Variants in ZDHHC20 observed in about 807,000 individuals in gnomAD.
ZDHHC20 encodes the protein zDHHC palmitoyltransferase 20, also known as palmitoyltransferase ZDHHC20.
A neutral mutation model predicts 57.8 loss-of-function variants in ZDHHC20; 43 were observed. The observed-to-expected ratio is 0.74, with a 90% CI of 0.58 to 0.96. ZDHHC20 has a LOEUF of 0.96. Among genes scored for constraint, ZDHHC20 ranks in the 40% least tolerant of loss-of-function variants. The pLI is 0.00. For synonymous variants in ZDHHC20, 157 were observed against 153.0 expected, an observed-to-expected ratio of 1.03 and a Z score of -0.19; for missense variants, 391 against 441.1, an observed-to-expected ratio of 0.89 and a Z score of 1.02.
intron 1 of ZDHHC20, among the ~76,000 whole-genome samples, chr13:21,434,238 A>T (rs1300890437): frequency 2.0e-5 from 3 of 152,220 alleles, no homozygotes; most frequent in Non-Finnish European, 4.4e-5. Context: ...TCACATTTGT[A>T]TCTCCTTTTT....
intron 1 of ZDHHC20, among the ~76,000 whole-genome samples, chr13:21,443,780 G>A (rs1883414321): frequency 6.6e-6 from 1 of 152,202 alleles, no homozygotes; most frequent in South Asian, 2.1e-4. Flanking sequence ...ATATTGTTCA[G>A]AAGGATTTAA....
At chr13:21,422,813 T>C (rs1234999727) in intron 2 of ZDHHC20, among the ~76,000 whole-genome samples, 1 of 152,192 alleles carries the variant, frequency 6.6e-6, no homozygotes, top group Non-Finnish European at 1.5e-5. Flanking sequence ...CCCTCTTGGC[T>C]GTGGAATTCC....
intron 4 of ZDHHC20, among the ~76,000 whole-genome samples, chr13:21,404,640 GCTA>G (rs1878189372): frequency 6.6e-6 from 1 of 151,874 alleles, no homozygotes; most frequent in African/African-American, 2.4e-5. Context: ...TGTAGTCCCA[GCTA>G]CTCGGGAGGC....
intron 7 of ZDHHC20, among the ~76,000 whole-genome samples, chr13:21,395,317 C>T (rs556562496): frequency 6.6e-6 from 1 of 151,988 alleles, no homozygotes; most frequent in East Asian, 1.9e-4. Context: ...CCACCTGCCT[C>T]GGCCTCCCAA....
At position 21,375,138 on chromosome 13, in the gene ZDHHC20, A is replaced by G; in HGVS notation, c.*1558T>C. The G allele has an allele frequency of 2.2e-6, 1 of 456,448 alleles. No homozygotes were observed. Among genetic ancestry groups the G allele is most frequent in the East Asian group, 6.9e-5 (1 of 14,400 alleles). 28.3% of individuals were successfully genotyped at this position (456,448 alleles called of 1,614,324 possible). A position where few individuals can be genotyped will look rare whatever the true frequency, so the allele number is the denominator to read the frequency against. ...GACAGAGCAAAACTCTGTGGAAAAAAGAAGAAAAAAATTTATTGGGTGAAT... is the reference window on the plus strand; with the variant it reads ...GACAGAGCAAAACTCTGTGGAAAAAGGAAGAAAAAAATTTATTGGGTGAAT... On this transcript the variant is annotated 3_prime_UTR_variant, in exon 13 of 13. Coordinates refer to ENST00000400590, the MANE Select transcript of ZDHHC20 (RefSeq NM_001330059.2).
chr13:21,435,303 T>C (rs192244827), intron 1 of ZDHHC20, among the ~76,000 whole-genome samples: 4 of 152,200 alleles, frequency 2.6e-5, no homozygotes, highest in Non-Finnish European at 5.9e-5. Context: ...CTTAAGATCA[T>C]CCACCCATAT....
chr13:21,378,777 A>G (rs1038753007), intron 11 of ZDHHC20, 39 bp from the exon 12 acceptor site: 2 of 1,202,592 alleles, frequency 1.7e-6, no homozygotes, highest in Non-Finnish European at 2.3e-6. Context: ...ACAAAAAAAA[A>G]AAAAAAAAGA....
chr13:21,455,315 AAAG>A (rs1289415582), intron 1 of ZDHHC20, among the ~76,000 whole-genome samples: 2 of 152,216 alleles, frequency 1.3e-5, no homozygotes, highest in African/African-American at 4.8e-5. Context: ...TCTACATGCC[AAAG>A]AAGAGGTACA....
intron 3 of ZDHHC20, among the ~76,000 whole-genome samples, chr13:21,415,844 C>G (rs912814805): frequency 5.9e-5 from 9 of 152,136 alleles, no homozygotes; most frequent in Admixed American, 2.0e-4. Flanking sequence ...TATTCCTAGT[C>G]TGCAGTAGTA....
chr13:21,458,470 C>T (rs9509739), intron 1 of ZDHHC20, among the ~76,000 whole-genome samples: 25,697 of 152,096 alleles, frequency 0.17, 2,713 homozygotes, highest in Non-Finnish European at 0.25. Flanking sequence ...ACGAATTTTA[C>T]AATGAGTCGA....
At chr13:21,422,809 TG>T (rs1263426611) in intron 2 of ZDHHC20, among the ~76,000 whole-genome samples, 1 of 152,206 alleles carries the variant, frequency 6.6e-6, no homozygotes, top group Admixed American at 6.5e-5. Flanking sequence ...TTTTCCCTCT[TG>T]GCTGTGGAAT....
rs531719209 is a variant in ZDHHC20 at position 21,402,668 on chromosome 13, C to T, written c.440+129G>A. 5 of 739,308 alleles carry T rather than the reference C, an allele frequency of 6.8e-6. No homozygotes were observed. The African/African-American group carries it at 8.7e-5, about 13-fold the overall frequency. 45.8% of individuals were successfully genotyped at this position (739,308 alleles called of 1,614,324 possible). On this transcript the variant is annotated intron_variant, in intron 5 of 12. Coordinates refer to ENST00000400590, the MANE Select transcript of ZDHHC20 (RefSeq NM_001330059.2). ...AATATTTTTGTCTGCCCTGTATGCA[C>T]AGCAAATAATGGGAGAGGATGAAGT...
intron 1 of ZDHHC20, among the ~76,000 whole-genome samples, chr13:21,433,910 C>CA (rs1328040713): frequency 6.6e-6 from 1 of 152,122 alleles, no homozygotes; most frequent in East Asian, 1.9e-4. Context: ...CTAAAAATTC[C>CA]AATTTTAATT....
chr13:21,413,698 TCTC>T lies in ZDHHC20; in HGVS notation c.321_323del (p.Arg109del). The T allele has an allele frequency of 6.2e-6, 10 of 1,611,656 alleles. No homozygotes were observed. In the Middle Eastern group the frequency reaches 1.8e-3, roughly 293 times the overall value. ...AGATAGGTAAAGCTCTTGCTGCTCTTCTCAAAATTTCTTGTTGTCTTTCTTGGC... is the reference window on the plus strand; with the variant it reads ...AGATAGGTAAAGCTCTTGCTGCTCTTAAAATTTCTTGTTGTCTTTCTTGGC... On this transcript the variant is annotated inframe_deletion, in exon 4 of 13. Coordinates refer to ENST00000400590, the MANE Select transcript of ZDHHC20 (RefSeq NM_001330059.2).
chr13:21,418,722 G>A (rs1020104138), intron 3 of ZDHHC20, among the ~76,000 whole-genome samples: 1 of 152,226 alleles, frequency 6.6e-6, no homozygotes, highest in Non-Finnish European at 1.5e-5. Flanking sequence ...TGCCTGGGCT[G>A]CAGTGCAGTG....
Position 21,377,075 on chromosome 13 carries a change from T to C in ZDHHC20, c.*41-420A>G, listed in dbSNP as rs976346774. ...CCCACATTAAGAAGAAATGTGGACC[T>C]CAGACTGAGGGCTTTTCTGGGGACC... On this transcript the variant is annotated intron_variant, in intron 12 of 12. Transcript: ENST00000400590. 18 of 162,504 alleles carry C rather than the reference T, an allele frequency of 1.1e-4. 1 individual carries two copies. Among genetic ancestry groups the C allele is most frequent in the Admixed American group, 6.4e-5 (1 of 15,558 alleles). The allele number at this position is 162,504 out of a possible 1,614,324, so 10.1% of individuals were successfully genotyped here.
chr13:21,403,673 A>T (rs9509683), intron 4 of ZDHHC20, among the ~76,000 whole-genome samples: 4 of 151,866 alleles, frequency 2.6e-5, no homozygotes, highest in African/African-American at 9.7e-5. Flanking sequence ...GGGAGAAAGA[A>T]GTTGCTTTTT....
intron 11 of ZDHHC20, among the ~76,000 whole-genome samples, chr13:21,381,207 C>T (rs544029861): frequency 2.5e-4 from 38 of 152,158 alleles, no homozygotes; most frequent in Admixed American, 2.0e-3. Context: ...GGGGTTTCAC[C>T]GTGTTAGCCA....
At chr13:21,408,382 T>C (rs549595608) in intron 4 of ZDHHC20, among the ~76,000 whole-genome samples, 4 of 152,204 alleles carry the variant, frequency 2.6e-5, no homozygotes, top group Admixed American at 6.5e-5. Context: ...TTTGTAGCAA[T>C]TGTGAATGGG....
Sources: gnomAD v4.1 joint callset for allele counts (sites outside exome capture counted in the v4.1 genomes callset) on GRCh38, gnomAD v4.1.1 for gene constraint, MANE v1.5 for transcripts, NCBI Gene and HGNC (gene_info 2026-07-23, HGNC 2026-07-21) for gene names.